MALRD1: variants seen among roughly 807,000 people sequenced by gnomAD.
The protein encoded by MALRD1 is MAM and LDL receptor class A domain containing 1, also known as MAM and LDL-receptor class A domain-containing protein 1.
A neutral mutation model predicts 242.1 loss-of-function variants in MALRD1; 247 were observed. The ratio of observed to expected loss-of-function variants is 1.02; its 90% CI spans 0.92 to 1.13. The LOEUF (loss-of-function observed/expected upper bound fraction) is 1.13, where lower values mean the gene tolerates loss of function less well. MALRD1 is among the 50% of genes most tolerant of loss of function. MALRD1 has a pLI of 0.00. For missense variants in MALRD1, 2,989 were observed against 2,533.1 expected (o/e 1.18, Z -3.86); for synonymous variants, 995 against 866.6 (o/e 1.15, Z -2.60).
intron 14 of MALRD1, among the ~76,000 whole-genome samples, chr10:19,180,520 C>T (rs7894157): frequency 0.19 from 29,084 of 152,006 alleles, 3,067 homozygotes; most frequent in Admixed American, 0.27. Flanking sequence ...CGTTCTCATG[C>T]GAAAGAATGA....
intron 36 of MALRD1, among the ~76,000 whole-genome samples, chr10:19,691,495 A>T (rs920401207): frequency 5.3e-5 from 8 of 152,144 alleles, no homozygotes; most frequent in Admixed American, 1.3e-4. Flanking sequence ...TGTACTGTGA[A>T]GGTGGCAGGA....
At chr10:19,297,563 T>A (rs1841765738) in intron 21 of MALRD1, among the ~76,000 whole-genome samples, 1 of 151,934 alleles carries the variant, frequency 6.6e-6, no homozygotes, top group African/African-American at 2.4e-5. Flanking sequence ...ATGTAGTGGC[T>A]GCATACCCTG....
intron 31 of MALRD1, among the ~76,000 whole-genome samples, chr10:19,514,458 C>T (rs1833541319): frequency 6.6e-6 from 1 of 152,108 alleles, no homozygotes; most frequent in South Asian, 2.1e-4. Flanking sequence ...ATTTCTATGG[C>T]CTGTAGGAAA....
At chr10:19,119,490 C>T (rs1204340041) in intron 5 of MALRD1, among the ~76,000 whole-genome samples, 2 of 152,110 alleles carry the variant, frequency 1.3e-5, no homozygotes, top group South Asian at 2.1e-4. Context: ...GCCAGGAGTG[C>T]TGACTGGTCA....
At chr10:19,108,903 C>T (rs1168183523) in intron 5 of MALRD1, among the ~76,000 whole-genome samples, 2 of 152,056 alleles carry the variant, frequency 1.3e-5, no homozygotes, top group Admixed American at 6.5e-5. Flanking sequence ...TTTCTTGTTT[C>T]CCTATGTTGA....
intron 33 of MALRD1, among the ~76,000 whole-genome samples, chr10:19,582,294 G>T (rs1204311162): frequency 2.0e-5 from 3 of 151,602 alleles, no homozygotes; most frequent in Admixed American, 1.3e-4. Flanking sequence ...TGAAGTCCTT[G>T]CCCATGCCTA....
At chr10:19,212,651 T>G (rs895451845) in intron 18 of MALRD1, among the ~76,000 whole-genome samples, 1 of 149,894 alleles carries the variant, frequency 6.7e-6, no homozygotes, top group African/African-American at 2.5e-5. Context: ...TATGTTTAAC[T>G]TTTTAAGGGA....
chr10:19,539,855 TGCGTGTGTGTGTGTGTGTG>T (rs1834866409), intron 32 of MALRD1, among the ~76,000 whole-genome samples: 2 of 87,394 alleles, frequency 2.3e-5, no homozygotes, highest in African/African-American at 4.9e-5. Flanking sequence ...CCCAGCTTTG[TGCGTGTGTGTGTGTGTGTG>T]TGTGTGTGTG....
At chr10:19,428,567 A>G (rs12764111) in intron 28 of MALRD1, among the ~76,000 whole-genome samples, 6 of 152,080 alleles carry the variant, frequency 3.9e-5, no homozygotes, top group African/African-American at 9.7e-5. Context: ...CCAGGTCCAG[A>G]TGCTCTCCAA....
At chr10:19,419,490 A>T (rs971803550) in intron 28 of MALRD1, among the ~76,000 whole-genome samples, 58 of 151,914 alleles carry the variant, frequency 3.8e-4, no homozygotes, top group African/African-American at 1.3e-3. Context: ...GTTATTAGAG[A>T]TGGGGTTGCA....
intron 30 of MALRD1, among the ~76,000 whole-genome samples, chr10:19,492,384 C>T (rs1837531486): frequency 6.6e-6 from 1 of 152,304 alleles, no homozygotes; most frequent in African/African-American, 2.4e-5. Flanking sequence ...GCCACTGTTA[C>T]ATTTTGCTCA....
intron 36 of MALRD1, among the ~76,000 whole-genome samples, chr10:19,643,524 G>A (rs1463902964): frequency 6.6e-6 from 1 of 151,884 alleles, no homozygotes; most frequent in East Asian, 1.9e-4. Flanking sequence ...TTGATTAATT[G>A]ACTAAAATGC....
intron 36 of MALRD1, among the ~76,000 whole-genome samples, chr10:19,647,176 T>C (rs565455083): frequency 2.2e-4 from 34 of 152,218 alleles, no homozygotes; most frequent in Non-Finnish European, 3.5e-4. Flanking sequence ...TTCATCAAAG[T>C]GCCCTGTTTT....
intron 32 of MALRD1, among the ~76,000 whole-genome samples, 194 bp from the exon 33 acceptor site, chr10:19,567,308 G>A (rs913109638): frequency 6.6e-6 from 1 of 151,918 alleles, no homozygotes; most frequent in Non-Finnish European, 1.5e-5. Flanking sequence ...AGCAAATAAA[G>A]GTCCTACTAA....
At chr10:19,725,150 A>G (rs1452097501) in intron 38 of MALRD1, among the ~76,000 whole-genome samples, 2 of 152,192 alleles carry the variant, frequency 1.3e-5, no homozygotes, top group African/African-American at 4.8e-5. Flanking sequence ...AATACTAACT[A>G]AAGCAACTCA....
chr10:19,080,847 G>T (rs1489691486), intron 2 of MALRD1, among the ~76,000 whole-genome samples: 1 of 151,926 alleles, frequency 6.6e-6, no homozygotes, highest in Non-Finnish European at 1.5e-5. Flanking sequence ...CAGAATGGGA[G>T]AAAATGTTTT....
At chr10:19,503,543 T>C (rs1838068988) in intron 31 of MALRD1, among the ~76,000 whole-genome samples, 1 of 152,214 alleles carries the variant, frequency 6.6e-6, no homozygotes, top group Non-Finnish European at 1.5e-5. Context: ...ACTTAATGTA[T>C]ACAAGATTGA....
intron 25 of MALRD1, 91 bp from the exon 26 acceptor site, chr10:19,351,915 T>G: frequency 1.7e-6 from 2 of 1,175,278 alleles, no homozygotes; most frequent in East Asian, 2.6e-5. Flanking sequence ...AATCTGTTAA[T>G]AAAGAAGAGG....
At position 19,160,706 on chromosome 10, in the gene MALRD1, G is replaced by C. The variant is rs1442591450; in HGVS notation, c.1657-4931G>C. Among the ~76,000 whole-genome samples the C allele has an allele frequency of 9.3e-5, 6 of 64,854 alleles. No individual in the cohort carries two copies. The South Asian group carries it at 3.7e-3, about 40-fold the overall frequency. 42.5% of individuals were successfully genotyped at this position (64,854 alleles called of 152,430 possible). On this transcript the variant is annotated intron_variant, in intron 12 of 39. Coordinates refer to ENST00000454679, the MANE Select transcript of MALRD1 (RefSeq NM_001142308.3). The stretch of plus-strand genomic sequence containing the variant: ...TTAGTCTTGGGAGAGTGTATGTGTC[G>C]AGGAATGTATCCATTTCTTCTAGAT...
Sources: gnomAD v4.1 joint callset for allele counts (sites outside exome capture counted in the v4.1 genomes callset) on GRCh38, gnomAD v4.1.1 for gene constraint, MANE v1.5 for transcripts, NCBI Gene and HGNC (gene_info 2026-07-23, HGNC 2026-07-21) for gene names.